Variants in SHOX observed in about 807,000 individuals in gnomAD.
SHOX encodes short stature homeobox protein.
Under a neutral mutation model 29.6 loss-of-function variants are expected in SHOX, and 12 were observed. The observed-to-expected ratio is 0.41, with a 90% CI of 0.26 to 0.66. The LOEUF (loss-of-function observed/expected upper bound fraction) is 0.66, where lower values mean the gene tolerates loss of function less well. SHOX is among the 30% of genes least tolerant of loss of function. The pLI is 0.35. For synonymous variants in SHOX, 214 were observed against 200.6 expected (o/e 1.07, Z -0.57); for missense variants, 499 against 437.7 (o/e 1.14, Z -1.25).
At chrX:625,687 CT>C (rs1603281693) in intron 1 of SHOX, among the ~76,000 whole-genome samples, 1 of 117,986 alleles carries the variant, frequency 8.5e-6, no homozygotes, top group African/African-American at 3.8e-5. Flanking sequence ...CTTTTTTTCT[CT>C]CTTCCTCTGT....
intron 2 of SHOX, among the ~76,000 whole-genome samples, chrX:635,716 G>C (rs1282832885): frequency 6.6e-6 from 1 of 152,190 alleles, no homozygotes; most frequent in Non-Finnish European, 1.5e-5. Context: ...TTCACTTAAA[G>C]GTATGAGTTT....
chrX:631,301 C>T, intron 1 of SHOX, 127 bp downstream of exon 1: 1 of 1,244,866 alleles, frequency 8.0e-7, no homozygotes, highest in Non-Finnish European at 1.2e-6. Flanking sequence ...GGGTAAGGCC[C>T]GGGCCGTCAG....
At position 634,748 on chromosome X, in the gene SHOX, C is replaced by T. The variant is rs1204395163; in HGVS notation, c.408C>T (p.Phe136=). ...LEQLNELERL[F]DETHYPDAFM... is the part of the protein sequence containing the mutation. ...AGCTGAACGAGCTCGAGCGACTCTTCGACGAGACCCATTACCCCGACGCCT... is the reference window on the plus strand; with the variant it reads ...AGCTGAACGAGCTCGAGCGACTCTTTGACGAGACCCATTACCCCGACGCCT... Residue 136 remains phenylalanine, a synonymous_variant, in exon 2 of 5, where the codon TTC becomes TTT. Coordinates refer to ENST00000686671, the MANE Select transcript of SHOX (RefSeq NM_000451.4). The T allele has an allele frequency of 1.1e-5, 17 of 1,611,990 alleles. No homozygotes were observed. The highest frequency in any genetic ancestry group is 1.3e-5 in the African/African-American group (1 of 75,038).
At chrX:626,689 GTC>G (rs1387826143), upstream of SHOX, among the ~76,000 whole-genome samples, 1 of 98,178 alleles carries the variant, frequency 1.0e-5, no homozygotes, top group African/African-American at 4.1e-5. Context: ...GTCTATCTCT[GTC>G]TCTCTTTCTC....
At chrX:641,227 C>G in intron 4 of SHOX, 140 bp downstream of exon 4, 1 of 885,732 alleles carries the variant, frequency 1.1e-6, no homozygotes, top group Non-Finnish European at 1.8e-6. Flanking sequence ...GAAAAAAAGC[C>G]TCTTTTCCGA....
chrX:652,297 A>T (rs1178572188), downstream of SHOX, among the ~76,000 whole-genome samples: 1 of 152,052 alleles, frequency 6.6e-6, no homozygotes, highest in Non-Finnish European at 1.5e-5. Flanking sequence ...AAAAAATATA[A>T]TAATAATAAA....
Position 633,632 on chromosome X carries a change from T to C in SHOX, c.278-986T>C, listed in dbSNP as rs374900695. On this transcript the variant is annotated intron_variant, in intron 1 of 4. Transcript: ENST00000686671. ...CCTTGCCTGTGCCCCTTTGAGACTG[T>C]TTCCAGACTAAACTTCCAAATGTCA... Among the ~76,000 whole-genome samples, 7 of 152,026 alleles carry C rather than the reference T, an allele frequency of 4.6e-5. No homozygotes were observed. In the East Asian group the frequency reaches 7.7e-4, roughly 17 times the overall value.
chrX:625,024 C>G (rs2052491085), intron 1 of SHOX, among the ~76,000 whole-genome samples: 1 of 145,526 alleles, frequency 6.9e-6, no homozygotes, highest in African/African-American at 2.6e-5. Context: ...TTCCTTCTCT[C>G]CCTCCCTCCT....
At position 649,003 on chromosome X, in the gene SHOX, TTTTG is replaced by T. The variant is rs1472959961; in HGVS notation, c.*4371_*4374del. On this transcript the variant is annotated 3_prime_UTR_variant, in exon 5 of 5. Transcript: ENST00000686671. ...CTCTCTTTTTCTTTCTCTTTTCCTTTTTTGTTTCTTTCTTTCTTTTTCTTTCTTT... is the reference window on the plus strand; with the variant it reads ...CTCTCTTTTTCTTTCTCTTTTCCTTTTTTCTTTCTTTCTTTTTCTTTCTTT... Among the ~76,000 whole-genome samples the T allele has an allele frequency of 9.4e-5, 14 of 148,642 alleles. No individual in the cohort carries two copies. The highest frequency in any genetic ancestry group is 2.9e-4 in the African/African-American group (12 of 40,896).
In SHOX at chrX:649,899, A is replaced by G. The variant is rs1248964395; in HGVS notation, c.*5263A>G. On this transcript the variant is annotated 3_prime_UTR_variant, in exon 5 of 5. Transcript: ENST00000686671. ...TGTTCTGGTGAAATCTGTTTCTGAC[A>G]TATCCACTTTTCTCTCTCTTTTCTC... 1 of 456,074 alleles carries G rather than the reference A, an allele frequency of 2.2e-6. No individual in the cohort carries two copies. The highest frequency in any genetic ancestry group is 4.4e-6 in the Non-Finnish European group (1 of 226,802). 28.3% of individuals were successfully genotyped at this position (456,074 alleles called of 1,614,324 possible).
chrX:655,604 CTCTCTCTCTCTATA>C (rs1193965865), downstream of SHOX, among the ~76,000 whole-genome samples: 75 of 37,926 alleles, frequency 2.0e-3, no homozygotes, highest in East Asian at 6.5e-3. Context: ...CTCTCTCTCT[CTCTCTCTCTCTATA>C]TATATATATA....
In SHOX at chrX:644,546, C is replaced by G; in HGVS notation, c.789C>G (p.Val263=). Residue 263 remains valine, a synonymous_variant, in exon 5 of 5, where the codon GTC becomes GTG. Transcript: ENST00000686671. Reference sequence around the variant, plus strand: ...AGTCCGCCTCGGCCGCCGCCGTGGTCGCCGCCGCCGCCAAAAGCAACAGCA... The same window carrying G: ...AGTCCGCCTCGGCCGCCGCCGTGGTGGCCGCCGCCGCCAAAAGCAACAGCA... ...LAESASAAAV[V]AAAAKSNSKN... 6.6e-7 allele frequency: 1 copy of G among 1,517,578 alleles called. No individual in the cohort carries two copies. The highest frequency in any genetic ancestry group is 8.8e-7 in the Non-Finnish European group (1 of 1,139,496). 94.0% of individuals were successfully genotyped at this position (1,517,578 alleles called of 1,614,324 possible).
At chrX:642,037 T>C (rs1276415996) in intron 4 of SHOX, among the ~76,000 whole-genome samples, 2 of 152,252 alleles carry the variant, frequency 1.3e-5, no homozygotes, top group African/African-American at 4.8e-5. Context: ...CCAGCGTGGA[T>C]TTGGGGCTTC....
chrX:629,563 CT>C (rs1171263105), upstream of SHOX, among the ~76,000 whole-genome samples: 14 of 152,032 alleles, frequency 9.2e-5, no homozygotes, highest in Non-Finnish European at 2.1e-4. Context: ...GTTTCTCTCT[CT>C]GCCTCTCCCT....
chrX:633,997 C>T (rs1386955580), intron 1 of SHOX, among the ~76,000 whole-genome samples: 1 of 152,170 alleles, frequency 6.6e-6, no homozygotes, highest in Non-Finnish European at 1.5e-5. Flanking sequence ...GGTGCCCGAC[C>T]GCGTGTGAAA....
chrX:658,660 C>T lies in SHOX; in HGVS notation c.634-125C>T, dbSNP rs749968490. ...TAATTTTTTGTATTTTTAGTAGAGA[C>T]GGGGTTTCACCGTGTTAGCCAGGAA... is the stretch of plus-strand genomic sequence containing the variant. On this transcript the variant is annotated intron_variant, in intron 5 of 5. Coordinates refer to the SHOX transcript ENST00000334060. The T allele has an allele frequency of 7.9e-3, 1,479 of 186,508 alleles. 13 individuals are homozygous for T. The highest frequency in any genetic ancestry group is 0.013 in the Non-Finnish European group (1,153 of 86,926). 11.6% of individuals were successfully genotyped at this position (186,508 alleles called of 1,614,324 possible).
intron 1 of SHOX, among the ~76,000 whole-genome samples, chrX:624,861 C>CT (rs376332410): frequency 5.3e-5 from 3 of 56,448 alleles, no homozygotes; most frequent in Non-Finnish European, 7.0e-5. Context: ...CTCTTTCTTT[C>CT]TTTTCTTTCT....
intron 1 of SHOX, among the ~76,000 whole-genome samples, chrX:632,193 G>A (rs1250825566): frequency 6.6e-6 from 1 of 152,134 alleles, no homozygotes; most frequent in Non-Finnish European, 1.5e-5. Context: ...TCGCGGGCGC[G>A]TCCTAAGTCA....
rs775811309 is a variant in SHOX, at chrX:649,021, TTTTC to T, written c.*4397_*4400del. ...TTTCCTTTTTTGTTTCTTTCTTTCT[TTTTC>T]TTTCTTTCTTTTTCTTTCTTCTTTC... On this transcript the variant is annotated 3_prime_UTR_variant, in exon 5 of 5. Transcript: ENST00000686671. Among the ~76,000 whole-genome samples, 5 of 127,372 alleles carry T rather than the reference TTTTC, an allele frequency of 3.9e-5. No homozygotes were observed. Among genetic ancestry groups the T allele is most frequent in the African/African-American group, 6.5e-5 (2 of 30,588 alleles). 83.6% of individuals were successfully genotyped at this position (127,372 alleles called of 152,430 possible). A position where few individuals can be genotyped will look rare whatever the true frequency, so the allele number is the denominator to read the frequency against.
Sources: allele counts gnomAD v4.1 joint callset (sites outside exome capture counted in the v4.1 genomes callset), GRCh38; gene constraint gnomAD v4.1.1; transcripts MANE v1.5; gene names NCBI Gene and HGNC (gene_info 2026-07-23, HGNC 2026-07-21).